Variants in DPH6 observed in about 807,000 individuals in gnomAD.
DPH6 encodes diphthine--ammonia ligase.
In DPH6, 33 loss-of-function variants were observed where a neutral mutation model predicts 38.2. The observed-to-expected ratio is 0.86, with a 90% CI of 0.65 to 1.15. The LOEUF (loss-of-function observed/expected upper bound fraction) is 1.15. Ranked by LOEUF, DPH6 falls within the 50% of genes most tolerant of loss-of-function variation. DPH6 has a pLI of 0.00. For missense variants in DPH6, 325 were observed against 320.0 expected (o/e 1.02, Z -0.12); for synonymous variants, 108 against 103.0 (o/e 1.05, Z -0.30).
chr15:35,245,102 GA>G (rs529719591), intron 3 of DPH6, among the ~76,000 whole-genome samples: 3 of 148,286 alleles, frequency 2.0e-5, no homozygotes, highest in East Asian at 2.0e-4. Context: ...GCCCACTCAG[GA>G]AAAAAAAATG....
chr15:35,502,643 A>G (rs1285653613), intron 3 of DPH6, among the ~76,000 whole-genome samples: 4 of 151,912 alleles, frequency 2.6e-5, no homozygotes, highest in African/African-American at 9.7e-5. Context: ...ACATACAGAA[A>G]AACATTTAAA....
At chr15:35,481,440 A>T (rs925022856) in intron 3 of DPH6, among the ~76,000 whole-genome samples, 3 of 152,198 alleles carry the variant, frequency 2.0e-5, no homozygotes, top group Non-Finnish European at 4.4e-5. Context: ...ACCAATTGCA[A>T]TACATGAAAC....
intron 3 of DPH6, among the ~76,000 whole-genome samples, chr15:35,284,385 G>A (rs1176790378): frequency 1.3e-5 from 2 of 151,872 alleles, no homozygotes; most frequent in Non-Finnish European, 2.9e-5. Flanking sequence ...TGTGTTATTT[G>A]GCTAAATTTT....
the DPH6 span, among the ~76,000 whole-genome samples, chr15:35,177,942 C>A: frequency 2.0e-5 from 3 of 146,688 alleles, no homozygotes; most frequent in Non-Finnish European, 1.5e-5. Flanking sequence ...AACTCTGCCT[C>A]AAAAAAAAAA....
chr15:35,237,841 G>C (rs2051566250), intron 3 of DPH6: 1 of 1,532,002 alleles, frequency 6.5e-7, no homozygotes, highest in East Asian at 2.3e-5. Flanking sequence ...AGGAGGAGGA[G>C]GATGAGGATG....
intron 3 of DPH6, among the ~76,000 whole-genome samples, chr15:35,263,982 G>C (rs2051766598): frequency 6.6e-6 from 1 of 152,042 alleles, no homozygotes; most frequent in Non-Finnish European, 1.5e-5. Context: ...CAAAGTGCTA[G>C]GATTACAGGC....
chr15:35,163,205 C>T, the DPH6 span, among the ~76,000 whole-genome samples: 1 of 151,716 alleles, frequency 6.6e-6, no homozygotes, highest in South Asian at 2.1e-4. Context: ...TGCTACTGAC[C>T]CCAGAAAACA....
At chr15:35,541,880 A>G (rs947175434) in intron 2 of DPH6, among the ~76,000 whole-genome samples, 2 of 152,138 alleles carry the variant, frequency 1.3e-5, no homozygotes, top group Non-Finnish European at 2.9e-5. Context: ...CCTTGTTACT[A>G]CAGACAAATG....
chr15:35,264,766 G>T (rs1275405909), intron 3 of DPH6, among the ~76,000 whole-genome samples: 1 of 152,184 alleles, frequency 6.6e-6, no homozygotes, highest in Non-Finnish European at 1.5e-5. Flanking sequence ...GCTAGGTACT[G>T]AGAATACAGA....
chr15:35,433,899 G>C (rs2053662461), intron 5 of DPH6, among the ~76,000 whole-genome samples: 1 of 152,140 alleles, frequency 6.6e-6, no homozygotes, highest in Admixed American at 6.6e-5. Context: ...CTAAGAACTT[G>C]ATTTGGGCCC....
At chr15:35,509,114 A>G (rs750252565) in intron 3 of DPH6, among the ~76,000 whole-genome samples, 8 of 152,214 alleles carry the variant, frequency 5.3e-5, no homozygotes, top group African/African-American at 2.4e-5. Context: ...TATCAAATTC[A>G]CAAGTCAGAT....
chr15:35,385,171 G>T (rs1297512637), intron 6 of DPH6, among the ~76,000 whole-genome samples: 1 of 152,116 alleles, frequency 6.6e-6, no homozygotes, highest in Non-Finnish European at 1.5e-5. Context: ...CTGTTGGTGG[G>T]AGTATAAATT....
chr15:35,365,710 TATC>T, intron 3 of DPH6: 2 of 873,526 alleles, frequency 2.3e-6, no homozygotes, highest in Non-Finnish European at 2.7e-6. Flanking sequence ...ACACAAATGA[TATC>T]ATCACGGTAT....
At chr15:35,259,809 C>T (rs35984997) in intron 3 of DPH6, among the ~76,000 whole-genome samples, 2,630 of 152,254 alleles carry the variant, frequency 0.017, 42 homozygotes, top group Non-Finnish European at 0.027. Flanking sequence ...TCACACAAAG[C>T]TTCTTGTCTG....
chr15:35,442,237 T>C (rs911070181), intron 5 of DPH6, among the ~76,000 whole-genome samples: 2 of 152,088 alleles, frequency 1.3e-5, no homozygotes, highest in African/African-American at 4.8e-5. Flanking sequence ...GACATTTCTC[T>C]AAAGAAGATA....
chr15:35,257,000 G>A (rs2051712630), intron 3 of DPH6, among the ~76,000 whole-genome samples: 1 of 152,196 alleles, frequency 6.6e-6, no homozygotes, highest in African/African-American at 2.4e-5. Context: ...ACAGCTATTT[G>A]AGGACTGATA....
intron 6 of DPH6, 44 bp from the exon 7 acceptor site, chr15:35,381,960 T>C: frequency 6.9e-7 from 1 of 1,453,800 alleles, no homozygotes. Context: ...AGTTTAAAAT[T>C]AGACAGCATA....
chr15:35,221,426 C>T (rs1425375171), intron 3 of DPH6, among the ~76,000 whole-genome samples: 2 of 152,200 alleles, frequency 1.3e-5, no homozygotes, highest in African/African-American at 4.8e-5. Context: ...GGCTCCACTC[C>T]TGTGACAATT....
At chr15:35,508,393 C>T (rs944081859) in intron 3 of DPH6, among the ~76,000 whole-genome samples, 4 of 152,006 alleles carry the variant, frequency 2.6e-5, no homozygotes, top group Non-Finnish European at 4.4e-5. Context: ...CTTATATATC[C>T]AAAAGGCTTC....
Sources: allele counts gnomAD v4.1 joint callset (sites outside exome capture counted in the v4.1 genomes callset), GRCh38; gene constraint gnomAD v4.1.1; transcripts MANE v1.5; gene names NCBI Gene and HGNC (gene_info 2026-07-23, HGNC 2026-07-21).